The following KCNMB2 variants were observed in gnomAD, a reference collection of about 807,000 sequenced individuals.
KCNMB2 encodes potassium calcium-activated channel subfamily M regulatory beta subunit 2.
Under a neutral mutation model 24.5 loss-of-function variants are expected in KCNMB2, and 9 were observed. The observed-to-expected ratio is 0.37, with a 90% CI of 0.22 to 0.64. The LOEUF (loss-of-function observed/expected upper bound fraction) is 0.64, where lower values mean the gene tolerates loss of function less well. KCNMB2 is among the 30% of genes least tolerant of loss of function. KCNMB2 has a pLI of 0.63. For synonymous variants in KCNMB2, 109 were observed against 104.4 expected (o/e 1.04, Z -0.27); for missense variants, 226 against 284.3 (o/e 0.79, Z 1.47).
intron 2 of KCNMB2, among the ~76,000 whole-genome samples, chr3:178,812,319 G>A (rs976553792): frequency 1.3e-5 from 2 of 151,602 alleles, no homozygotes; most frequent in Non-Finnish European, 2.9e-5. Context: ...CAGGTGCCAT[G>A]ATGGTGTGCT....
chr3:178,636,455 ATGAATTAT>A (rs1719526488), intron 1 of KCNMB2, among the ~76,000 whole-genome samples: 1 of 152,130 alleles, frequency 6.6e-6, no homozygotes, highest in Non-Finnish European at 1.5e-5. Flanking sequence ...TTCAACTTAG[ATGAATTAT>A]GTTTTTCACG....
intron 1 of KCNMB2, among the ~76,000 whole-genome samples, chr3:178,778,250 G>A (rs1222398074): frequency 6.6e-6 from 1 of 151,986 alleles, no homozygotes; most frequent in Admixed American, 6.6e-5. Flanking sequence ...TGATACAACT[G>A]AAGCTTTAAG....
rs146046868 is a variant in KCNMB2, at chr3:178,766,254, T to C, written c.-67-41089T>C. ...TGTCACCCAGGCTGGAGTGTAGTGA[T>C]GCCATTATAGCGCCCTATACCCTCA... On this transcript the variant is annotated intron_variant, in intron 1 of 4. Coordinates refer to ENST00000452583, the MANE Select transcript of KCNMB2 (RefSeq NM_181361.3). Among the ~76,000 whole-genome samples the C allele has an allele frequency of 1.4e-3, 211 of 152,204 alleles. 2 individuals are homozygous for C. Among genetic ancestry groups the C allele is most frequent in the African/African-American group, 5.0e-3 (206 of 41,556 alleles).
intron 1 of KCNMB2, among the ~76,000 whole-genome samples, chr3:178,539,636 G>A (rs1715546684): frequency 6.6e-6 from 1 of 151,838 alleles, no homozygotes; most frequent in African/African-American, 2.4e-5. Context: ...TAGGTTTCTT[G>A]GTACTTCAAG....
chr3:178,691,128 G>C (rs928131791), intron 1 of KCNMB2, among the ~76,000 whole-genome samples: 1 of 12,138 alleles, frequency 8.2e-5, no homozygotes, highest in East Asian at 1.5e-3. Flanking sequence ...TTTTTTTTTT[G>C]ATAGAGACGG....
At chr3:178,547,246 C>CA (rs907461259) in intron 1 of KCNMB2, among the ~76,000 whole-genome samples, 9 of 152,182 alleles carry the variant, frequency 5.9e-5, no homozygotes, top group Non-Finnish European at 1.3e-4. Flanking sequence ...TTGAACTTCC[C>CA]AGCCTCCAGG....
chr3:178,835,887 G>A (rs566418986), intron 4 of KCNMB2, among the ~76,000 whole-genome samples: 13 of 151,812 alleles, frequency 8.6e-5, no homozygotes, highest in Admixed American at 3.9e-4. Flanking sequence ...TTTCTGTTTC[G>A]CTATACATTC....
chr3:178,680,993 C>T (rs2108594096), intron 1 of KCNMB2, among the ~76,000 whole-genome samples: 1 of 152,316 alleles, frequency 6.6e-6, no homozygotes, highest in Middle Eastern at 3.4e-3. Flanking sequence ...CAGATTGTGA[C>T]TTTTCTCACA....
At chr3:178,619,889 C>T (rs1029639621) in intron 1 of KCNMB2, among the ~76,000 whole-genome samples, 1 of 152,122 alleles carries the variant, frequency 6.6e-6, no homozygotes, top group Non-Finnish European at 1.5e-5. Context: ...CATTCTTACC[C>T]CTATACACTC....
chr3:178,816,913 T>TCAGC (rs1395950426), intron 2 of KCNMB2, among the ~76,000 whole-genome samples: 5 of 152,172 alleles, frequency 3.3e-5, no homozygotes, highest in Non-Finnish European at 5.9e-5. Flanking sequence ...CACATAATTT[T>TCAGC]CTGTTTCTTT....
chr3:178,777,983 A>G (rs1269018804), intron 1 of KCNMB2, among the ~76,000 whole-genome samples: 1 of 152,148 alleles, frequency 6.6e-6, no homozygotes, highest in East Asian at 1.9e-4. Flanking sequence ...AGCTCTAGAC[A>G]AATGCTCTCA....
intron 1 of KCNMB2, among the ~76,000 whole-genome samples, chr3:178,737,130 C>T (rs1032056991): frequency 9.2e-5 from 14 of 152,062 alleles, no homozygotes; most frequent in Non-Finnish European, 1.5e-4. Flanking sequence ...ATTAGCCAGG[C>T]GTGGCGGTGC....
At chr3:178,818,142 C>T (rs1714479903) in intron 2 of KCNMB2, among the ~76,000 whole-genome samples, 1 of 152,196 alleles carries the variant, frequency 6.6e-6, no homozygotes, top group African/African-American at 2.4e-5. Context: ...TTCTCTTCTG[C>T]CCTTTCCATG....
rs1270361029 is a variant in KCNMB2 at position 178,843,141 on chromosome 3, G to A, written c.*204G>A. 1 of 653,334 alleles carries A rather than the reference G, an allele frequency of 1.5e-6. No individual in the cohort carries two copies. The highest frequency in any genetic ancestry group is 3.0e-5 in the East Asian group (1 of 32,986). The allele number at this position is 653,334 out of a possible 1,614,324, so 40.5% of individuals were successfully genotyped here. ...GGAGAATAAATAACTGTTTTGTGTT[G>A]GTTGGTGGTTTTCATAATCTTATTT... On this transcript the variant is annotated 3_prime_UTR_variant, in exon 5 of 5. Coordinates refer to ENST00000452583, the MANE Select transcript of KCNMB2 (RefSeq NM_181361.3).
chr3:178,763,464 G>T (rs933695205), intron 1 of KCNMB2, among the ~76,000 whole-genome samples: 18 of 152,102 alleles, frequency 1.2e-4, no homozygotes, highest in African/African-American at 4.3e-4. Context: ...GAGGAGAAAA[G>T]CAAAGAGAGG....
At chr3:178,813,933 C>T (rs948074303) in intron 2 of KCNMB2, among the ~76,000 whole-genome samples, 2 of 151,860 alleles carry the variant, frequency 1.3e-5, no homozygotes, top group Non-Finnish European at 2.9e-5. Flanking sequence ...GACCCCTACT[C>T]TCATAACTTC....
intron 1 of KCNMB2, among the ~76,000 whole-genome samples, chr3:178,643,414 T>G (rs1417877630): frequency 1.3e-5 from 2 of 152,182 alleles, no homozygotes; most frequent in Non-Finnish European, 2.9e-5. Flanking sequence ...CATACATGCA[T>G]GTATAACTGC....
intron 1 of KCNMB2, among the ~76,000 whole-genome samples, chr3:178,649,688 T>C (rs1449899521): frequency 2.6e-5 from 4 of 152,148 alleles, no homozygotes; most frequent in African/African-American, 7.2e-5. Flanking sequence ...TGATGGTAGT[T>C]TGTATTTCTG....
chr3:178,713,513 C>T (rs1197675446), intron 1 of KCNMB2, among the ~76,000 whole-genome samples: 2 of 152,204 alleles, frequency 1.3e-5, no homozygotes, highest in Non-Finnish European at 2.9e-5. Flanking sequence ...TCTGGTCCAA[C>T]AAATCTAGAA....
Sources: allele counts gnomAD v4.1 joint callset (sites outside exome capture counted in the v4.1 genomes callset), GRCh38; gene constraint gnomAD v4.1.1; transcripts MANE v1.5; gene names NCBI Gene and HGNC (gene_info 2026-07-23, HGNC 2026-07-21).